Variants in COG6 observed in about 807,000 individuals in gnomAD.
The protein encoded by COG6 is component of oligomeric golgi complex 6.
COG6 carries 74 observed loss-of-function variants against 88.8 expected under a neutral mutation model. The observed-to-expected ratio is 0.83, with a 90% CI of 0.69 to 1.01. The LOEUF is 1.01. Among genes scored for constraint, COG6 ranks in the 50% least tolerant of loss-of-function variants. COG6 has a pLI of 0.00. For synonymous variants in COG6, 286 were observed against 278.7 expected (o/e 1.03, Z -0.26); for missense variants, 800 against 797.9 (o/e 1.00, Z -0.03).
chr13:39,719,711 A>T lies in COG6; in HGVS notation c.1468A>T (p.Ser490Cys). The T allele has an allele frequency of 6.2e-7, 1 of 1,613,014 alleles. No individual in the cohort carries two copies. Among genetic ancestry groups the T allele is most frequent in the Non-Finnish European group, 8.5e-7 (1 of 1,179,208 alleles). ...PLLQMCTVSASNLGTADMATF... is the reference protein window; with the variant it reads ...PLLQMCTVSACNLGTADMATF... ...CCTACAGATGTGTACTGTATCAGCC[A>T]GCAATTTAGGCACAGCTGACATGGC... The change falls in exon 15 of 19, where the codon AGC (serine) becomes TGC (cysteine). Residue 490 changes from serine to cysteine, a missense_variant. By Grantham distance (112) the Ser-to-Cys change is moderately radical. Transcript: ENST00000455146.
chr13:39,656,579 A>G (rs1349522494), intron 1 of COG6, among the ~76,000 whole-genome samples: 1 of 152,126 alleles, frequency 6.6e-6, no homozygotes, highest in African/African-American at 2.4e-5. Flanking sequence ...GTCGCTAGGT[A>G]AATTGGTCAT....
chr13:39,756,274 G>A (rs563631485), downstream of COG6, among the ~76,000 whole-genome samples: 13 of 151,996 alleles, frequency 8.6e-5, no homozygotes, highest in Non-Finnish European at 1.8e-4. Context: ...GGGGATAAAA[G>A]CAATTTTGAG....
chr13:39,735,358 TAAAC>T (rs1433726866), intron 18 of COG6, among the ~76,000 whole-genome samples: 1 of 152,170 alleles, frequency 6.6e-6, no homozygotes, highest in Non-Finnish European at 1.5e-5. Context: ...ATTGATTGTG[TAAAC>T]AAACAAGCCA....
At chr13:39,666,190 A>C (rs1031870648) in intron 4 of COG6, among the ~76,000 whole-genome samples, 5 of 152,224 alleles carry the variant, frequency 3.3e-5, no homozygotes, top group Non-Finnish European at 4.4e-5. Flanking sequence ...ACTACTATTT[A>C]AATCGATCAT....
chr13:39,787,815 ATTAT>A (rs1321031463), intron 18 of COG6, among the ~76,000 whole-genome samples: 2 of 152,180 alleles, frequency 1.3e-5, no homozygotes, highest in Admixed American at 6.5e-5. Context: ...TAATCTAGAG[ATTAT>A]TTAAAGTATT....
chr13:39,693,288 C>G (rs1877085289), intron 11 of COG6, among the ~76,000 whole-genome samples: 1 of 151,748 alleles, frequency 6.6e-6, no homozygotes, highest in African/African-American at 2.4e-5. Context: ...TCCCTCCTTT[C>G]CCTCTTTGCT....
At chr13:39,778,761 G>A (rs148262882) in intron 18 of COG6, among the ~76,000 whole-genome samples, 44 of 152,334 alleles carry the variant, frequency 2.9e-4, no homozygotes, top group Non-Finnish European at 5.3e-4. Context: ...TGGGGCAGGA[G>A]GGGAGCCACT....
At chr13:39,679,319 C>A (rs915634666) in intron 5 of COG6, 3 of 535,518 alleles carry the variant, frequency 5.6e-6, no homozygotes, top group Non-Finnish European at 1.0e-5. Flanking sequence ...CACTATTTGG[C>A]ACATAGTAGA....
intron 4 of COG6, among the ~76,000 whole-genome samples, chr13:39,670,097 CT>C (rs1875528339): frequency 6.6e-6 from 1 of 152,038 alleles, no homozygotes; most frequent in Non-Finnish European, 1.5e-5. Context: ...ATTTTTCCAA[CT>C]GAGTGAGAAG....
At chr13:39,746,428 T>TAAC (rs1281199819) in intron 18 of COG6, among the ~76,000 whole-genome samples, 1 of 152,106 alleles carries the variant, frequency 6.6e-6, no homozygotes, top group African/African-American at 2.4e-5. Context: ...CATGCACTGC[T>TAAC]AACAACAACA....
chr13:39,713,633 G>A (rs149905489), intron 13 of COG6, among the ~76,000 whole-genome samples: 9,350 of 152,186 alleles, frequency 0.061, 385 homozygotes, highest in Non-Finnish European at 0.094. Context: ...CTACTCGGGA[G>A]GCCAAGGCAG....
chr13:39,750,047 T>C (rs984272938), intron 18 of COG6, among the ~76,000 whole-genome samples: 3 of 152,166 alleles, frequency 2.0e-5, no homozygotes, highest in Non-Finnish European at 4.4e-5. Flanking sequence ...GATACAACAT[T>C]GTTATGCCAT....
At chr13:39,724,240 T>C (rs1001956726) in intron 16 of COG6, among the ~76,000 whole-genome samples, 1 of 151,970 alleles carries the variant, frequency 6.6e-6, no homozygotes, top group African/African-American at 2.4e-5. Context: ...AGTGCTTCAT[T>C]GCCTTCATTT....
intron 3 of COG6, among the ~76,000 whole-genome samples, chr13:39,662,471 C>G (rs1238270693): frequency 6.6e-6 from 1 of 152,066 alleles, no homozygotes; most frequent in African/African-American, 2.4e-5. Flanking sequence ...CCTGTTTTTT[C>G]TTCTGCAGTG....
At position 39,694,656 on chromosome 13, in the gene COG6, T is replaced by C; in HGVS notation, c.1097T>C (p.Val366Ala). 6.3e-7 allele frequency: 1 copy of C among 1,598,530 alleles called. No homozygotes were observed. The highest frequency in any genetic ancestry group is 2.2e-5 in the East Asian group (1 of 44,626). ...TAGGTTCGAATTGAGCAAGTAATAG[T>C]TGCTGAACCTGGGGCAGTTTTATTA... ...PLKVRIEQVI[V>A]AEPGAVLLYK... The change falls in exon 12 of 19, where the codon GTT (valine) becomes GCT (alanine). Residue 366 changes from valine (V) to alanine (A), a missense_variant. By Grantham distance (64) the Val-to-Ala change is moderately conservative (BLOSUM62 0). Transcript: ENST00000455146.
chr13:39,769,293 C>T (rs571678952), intron 18 of COG6, among the ~76,000 whole-genome samples: 1 of 152,228 alleles, frequency 6.6e-6, no homozygotes, highest in South Asian at 2.1e-4. Flanking sequence ...AAGAGAGTGC[C>T]AAATTGTTTT....
At chr13:39,686,016 A>G (rs908085101) in intron 8 of COG6, among the ~76,000 whole-genome samples, 2 of 152,178 alleles carry the variant, frequency 1.3e-5, no homozygotes, top group East Asian at 1.9e-4. Flanking sequence ...AGTTCTACAG[A>G]CTTTCTCTTT....
rs557056670 is a variant in COG6, at chr13:39,746,226, G to GTTTT, written c.1827-4719_1827-4718insTTTT. 4.6e-5 allele frequency among the ~76,000 whole-genome samples: 7 copies of GTTTT among 150,570 alleles called. No homozygotes were observed. In the South Asian group the frequency reaches 1.3e-3, roughly 27 times the overall value. On this transcript the variant is annotated intron_variant, in intron 18 of 18. Coordinates refer to ENST00000455146, the MANE Select transcript of COG6 (RefSeq NM_020751.3). The stretch of plus-strand genomic sequence containing the variant: ...GTGCACATGTACCCTAGAACTTAAA[G>GTTTT]TATCATTAAAAAAAAAAAAAGTTAC...
chr13:39,743,273 T>G (rs748569206), intron 18 of COG6, among the ~76,000 whole-genome samples: 1 of 151,880 alleles, frequency 6.6e-6, no homozygotes, highest in Non-Finnish European at 1.5e-5. Context: ...CTGAAGGACA[T>G]AGAGACACAA....
Sources: gnomAD v4.1 joint callset for allele counts (sites outside exome capture counted in the v4.1 genomes callset) on GRCh38, gnomAD v4.1.1 for gene constraint, MANE v1.5 for transcripts, NCBI Gene and HGNC (gene_info 2026-07-23, HGNC 2026-07-21) for gene names.